MYO6: variants seen among roughly 807,000 people sequenced by gnomAD.
MYO6 encodes unconventional myosin-VI.
In MYO6, 74 loss-of-function variants were observed where a neutral mutation model predicts 178.7. That is an observed-to-expected ratio of 0.41 (90% CI 0.34 to 0.50). The LOEUF (loss-of-function observed/expected upper bound fraction) is 0.50. Ranked by LOEUF, MYO6 falls within the 20% of genes least tolerant of loss-of-function variation. MYO6 has a pLI of 0.09. For synonymous variants in MYO6, 477 were observed against 504.6 expected, an observed-to-expected ratio of 0.95 and a Z score of 0.73; for missense variants, 1,330 against 1,547.4, an observed-to-expected ratio of 0.86 and a Z score of 2.36.
chr6:75,856,970 T>G, intron 12 of MYO6, 127 bp from the exon 13 acceptor site: 1 of 809,386 alleles, frequency 1.2e-6, no homozygotes, highest in South Asian at 1.6e-5. Flanking sequence ...TATCTGTGCC[T>G]ATTCTCACAT....
intron 19 of MYO6, among the ~76,000 whole-genome samples, chr6:75,872,881 G>A (rs999307764): frequency 3.3e-5 from 5 of 151,788 alleles, no homozygotes; most frequent in African/African-American, 1.2e-4. Context: ...CTGGGTTCAA[G>A]TGGTTCTCCT....
rs1781259204 is a variant in MYO6, at chr6:75,918,645, A to G, written c.*3633A>G. On this transcript the variant is annotated 3_prime_UTR_variant, in exon 35 of 35. Coordinates refer to ENST00000369977, the MANE Select transcript of MYO6 (RefSeq NM_004999.4). ...GGAGAGACTGGCAGAAGTAGCACCT[A>G]CTCTGCTGGGAGCACTTCTCTGAGT... is the stretch of plus-strand genomic sequence containing the variant. 1 of 152,146 alleles carries G rather than the reference A, an allele frequency of 6.6e-6. No individual in the cohort carries two copies. The highest frequency in any genetic ancestry group is 6.5e-5 in the Admixed American group (1 of 15,276). 9.4% of individuals were successfully genotyped at this position (152,146 alleles called of 1,614,324 possible).
chr6:75,758,159 G>A (rs1318428115), intron 1 of MYO6, among the ~76,000 whole-genome samples: 1 of 151,104 alleles, frequency 6.6e-6, no homozygotes, highest in Non-Finnish European at 1.5e-5. Flanking sequence ...TGTATTTTTA[G>A]TAGACACGGG....
chr6:75,777,010 G>C (rs1766459544), intron 1 of MYO6, among the ~76,000 whole-genome samples: 1 of 152,068 alleles, frequency 6.6e-6, no homozygotes, highest in Non-Finnish European at 1.5e-5. Context: ...TTAATCGATA[G>C]GTATTCAGAT....
Position 75,803,249 on chromosome 6 carries a change from G to C in MYO6, c.-47-14252G>C, listed in dbSNP as rs564361290. On this transcript the variant is annotated intron_variant, in intron 1 of 34. Coordinates refer to ENST00000369977, the MANE Select transcript of MYO6 (RefSeq NM_004999.4). ...ATCACGTATTTTAAAATATTTCATA[G>C]TAAGCTTATTAATGACATACTTGCT... is the stretch of plus-strand genomic sequence containing the variant. Among the ~76,000 whole-genome samples the C allele has an allele frequency of 1.4e-4, 21 of 151,956 alleles. No individual in the cohort carries two copies. The South Asian group carries it at 3.3e-3, about 24-fold the overall frequency.
At chr6:75,851,634 A>T (rs578103927) in intron 11 of MYO6, among the ~76,000 whole-genome samples, 1,324 of 110,916 alleles carry the variant, frequency 0.012, 7 homozygotes, top group Non-Finnish European at 0.022. Flanking sequence ...GAGACCCCAT[A>T]AAAAAAAAAC....
At chr6:75,831,911 A>C (rs79023009) in intron 5 of MYO6, among the ~76,000 whole-genome samples, 4 of 151,652 alleles carry the variant, frequency 2.6e-5, no homozygotes, top group Non-Finnish European at 5.9e-5. Flanking sequence ...AAAAGAAAAA[A>C]GCGCTGCTGA....
intron 1 of MYO6, among the ~76,000 whole-genome samples, chr6:75,761,474 G>A (rs1482293701): frequency 2.6e-5 from 4 of 152,082 alleles, no homozygotes; most frequent in African/African-American, 9.7e-5. Flanking sequence ...GAAGGAAAGT[G>A]AGGATAAGTT....
intron 1 of MYO6, among the ~76,000 whole-genome samples, chr6:75,758,744 C>T (rs746799571): frequency 6.6e-6 from 1 of 152,184 alleles, no homozygotes; most frequent in Non-Finnish European, 1.5e-5. Flanking sequence ...AGGCGTGAGC[C>T]ACCGCGCCTG....
chr6:75,851,201 G>A (rs1775235258), intron 11 of MYO6, among the ~76,000 whole-genome samples: 1 of 152,160 alleles, frequency 6.6e-6, no homozygotes, highest in Admixed American at 6.5e-5. Context: ...AGTGTTGCAT[G>A]ATCAAGTTAT....
chr6:75,821,416 A>G (rs1207133710), intron 2 of MYO6, among the ~76,000 whole-genome samples: 2 of 152,086 alleles, frequency 1.3e-5, no homozygotes, highest in Admixed American at 1.3e-4. Context: ...TATTACCATT[A>G]ATATACTTAA....
chr6:75,852,383 C>T (rs936919715), intron 11 of MYO6, among the ~76,000 whole-genome samples: 2 of 151,756 alleles, frequency 1.3e-5, no homozygotes, highest in Non-Finnish European at 1.5e-5. Flanking sequence ...CCATACAGTT[C>T]ACTCAATTGA....
intron 17 of MYO6, 27 bp downstream of exon 17, chr6:75,866,648 A>G: frequency 1.3e-6 from 2 of 1,570,640 alleles, no homozygotes; most frequent in Non-Finnish European, 1.8e-6. Flanking sequence ...CAAGGAGAAA[A>G]CCATTTCATG....
At chr6:75,779,526 A>C (rs1766749442) in intron 1 of MYO6, among the ~76,000 whole-genome samples, 1 of 151,940 alleles carries the variant, frequency 6.6e-6, no homozygotes, top group South Asian at 2.1e-4. Flanking sequence ...CTTAATAAAA[A>C]CTGTTGTTTT....
chr6:75,824,130 A>G (rs1772190097), intron 3 of MYO6, among the ~76,000 whole-genome samples: 3 of 152,226 alleles, frequency 2.0e-5, no homozygotes. Context: ...ATTAATGTGT[A>G]TGTCTCTAAA....
At chr6:75,859,050 G>T in intron 14 of MYO6, 57 bp downstream of exon 14, 1 of 1,164,372 alleles carries the variant, frequency 8.6e-7, no homozygotes, top group East Asian at 2.5e-5. Context: ...TAAATTTTAA[G>T]GAAGAGATAT....
At chr6:75,898,545 A>G in intron 30 of MYO6, 134 bp downstream of exon 30, 1 of 763,250 alleles carries the variant, frequency 1.3e-6, no homozygotes, top group South Asian at 1.6e-5. Flanking sequence ...TTCTTTCTGT[A>G]CAAGAAATAT....
intron 33 of MYO6, 70 bp from the exon 34 acceptor site, chr6:75,913,993 A>G: frequency 7.1e-7 from 1 of 1,408,352 alleles, no homozygotes; most frequent in Non-Finnish European, 9.9e-7. Context: ...ATTGGGGTAT[A>G]TTTTAGGATT....
intron 11 of MYO6, among the ~76,000 whole-genome samples, chr6:75,852,831 A>G (rs886254763): frequency 6.6e-6 from 1 of 152,076 alleles, no homozygotes; most frequent in Non-Finnish European, 1.5e-5. Flanking sequence ...TTGTGTTTGG[A>G]TGTGTTTTCA....
Sources: gnomAD v4.1 joint callset for allele counts (sites outside exome capture counted in the v4.1 genomes callset) on GRCh38, gnomAD v4.1.1 for gene constraint, MANE v1.5 for transcripts, NCBI Gene and HGNC (gene_info 2026-07-23, HGNC 2026-07-21) for gene names.